Variants in OPCML observed in about 807,000 individuals in gnomAD.
The protein encoded by OPCML is opioid-binding protein/cell adhesion molecule.
A neutral mutation model predicts 37.8 loss-of-function variants in OPCML; 13 were observed. The ratio of observed to expected loss-of-function variants is 0.34; its 90% confidence interval spans 0.22 to 0.55. The LOEUF (loss-of-function observed/expected upper bound fraction) is 0.55. OPCML is among the 20% of genes least tolerant of loss of function. OPCML has a pLI of 0.91. For missense variants in OPCML, 341 were observed against 435.6 expected (o/e 0.78, Z 1.93); for synonymous variants, 176 against 168.8 (o/e 1.04, Z -0.33).
At chr11:133,112,691 A>G (rs528446565) in intron 1 of OPCML, among the ~76,000 whole-genome samples, 1 of 152,282 alleles carries the variant, frequency 6.6e-6, no homozygotes, top group South Asian at 2.1e-4. Context: ...GTCCTGGCCT[A>G]AGGAAGAGAA....
chr11:133,054,609 C>A (rs987382906), intron 1 of OPCML, among the ~76,000 whole-genome samples: 7 of 152,206 alleles, frequency 4.6e-5, no homozygotes, highest in African/African-American at 1.7e-4. Flanking sequence ...GAAACACTTA[C>A]AGGAATTTAA....
intron 1 of OPCML, among the ~76,000 whole-genome samples, chr11:133,529,613 T>G (rs1032107029): frequency 6.6e-6 from 1 of 152,196 alleles, no homozygotes; most frequent in Non-Finnish European, 1.5e-5. Flanking sequence ...TACTCTGGGA[T>G]GGATACATGT....
chr11:132,528,077 T>G (rs1284237934), intron 4 of OPCML, among the ~76,000 whole-genome samples: 2 of 152,160 alleles, frequency 1.3e-5, no homozygotes, highest in Non-Finnish European at 2.9e-5. Flanking sequence ...TCCAGAGAAG[T>G]GAGGAGATAA....
At chr11:132,532,196 G>C (rs2096327448) in intron 3 of OPCML, among the ~76,000 whole-genome samples, 1 of 152,182 alleles carries the variant, frequency 6.6e-6, no homozygotes, top group African/African-American at 2.4e-5. Flanking sequence ...AGAGCTTCCT[G>C]AAGTGGGATC....
At chr11:133,491,335 T>C (rs1565664343) in intron 1 of OPCML, among the ~76,000 whole-genome samples, 1 of 152,124 alleles carries the variant, frequency 6.6e-6, no homozygotes, top group Non-Finnish European at 1.5e-5. Flanking sequence ...AATGTCTCTT[T>C]CCACTCATTT....
intron 1 of OPCML, among the ~76,000 whole-genome samples, chr11:133,490,121 G>A (rs1039895832): frequency 1.3e-5 from 2 of 152,146 alleles, no homozygotes; most frequent in African/African-American, 2.4e-5. Context: ...CTACATATCA[G>A]GGTTTGTTTT....
chr11:133,203,983 G>T (rs2136324484), intron 1 of OPCML, among the ~76,000 whole-genome samples: 1 of 146,362 alleles, frequency 6.8e-6, no homozygotes, highest in South Asian at 2.2e-4. Flanking sequence ...GCATGAACCT[G>T]GGAGGCGGAG....
intron 3 of OPCML, among the ~76,000 whole-genome samples, chr11:132,620,391 T>C (rs777043321): frequency 1.3e-5 from 2 of 152,226 alleles, no homozygotes; most frequent in East Asian, 1.9e-4. Context: ...GCCTAGTTAA[T>C]ATGTTAAGGA....
At chr11:132,637,471 A>G (rs1245256172) in intron 3 of OPCML, among the ~76,000 whole-genome samples, 3 of 152,102 alleles carry the variant, frequency 2.0e-5, no homozygotes, top group East Asian at 1.9e-4. Context: ...CACAGCTTCA[A>G]AATAATTTAG....
intron 1 of OPCML, chr11:133,064,652 TC>T (rs1948409919): frequency 6.6e-6 from 1 of 152,198 alleles, no homozygotes; most frequent in South Asian, 2.1e-4. Context: ...GAATGGGACT[TC>T]CGGGCCGGGC....
At chr11:133,439,446 GT>G (rs1360541200) in intron 1 of OPCML, 10 of 984,622 alleles carry the variant, frequency 1.0e-5, no homozygotes, top group Middle Eastern at 5.2e-4. Context: ...ACTCTTTTTT[GT>G]TTTTTTGTTT....
intron 1 of OPCML, among the ~76,000 whole-genome samples, chr11:133,097,114 T>C (rs556261096): frequency 2.6e-5 from 4 of 152,312 alleles, no homozygotes; most frequent in South Asian, 4.1e-4. Context: ...CTCAAGCTCA[T>C]GTGGAACATT....
At chr11:133,227,190 G>A (rs550193415) in intron 1 of OPCML, among the ~76,000 whole-genome samples, 4 of 152,112 alleles carry the variant, frequency 2.6e-5, no homozygotes, top group Non-Finnish European at 5.9e-5. Flanking sequence ...TCCGAGGATG[G>A]CGCCTGTGCC....
chr11:132,580,223 A>G (rs1007970339), intron 3 of OPCML, among the ~76,000 whole-genome samples: 1 of 152,184 alleles, frequency 6.6e-6, no homozygotes, highest in East Asian at 1.9e-4. Flanking sequence ...CAGGGGGGAA[A>G]CCCAACAACT....
chr11:132,542,020 TCTC>T (rs1451913816), intron 3 of OPCML, among the ~76,000 whole-genome samples: 1 of 152,134 alleles, frequency 6.6e-6, no homozygotes, highest in African/African-American at 2.4e-5. Flanking sequence ...TCCAGCATCT[TCTC>T]ATTCTCTGCT....
At chr11:132,979,744 A>G (rs1456088805) in intron 1 of OPCML, among the ~76,000 whole-genome samples, 1 of 152,256 alleles carries the variant, frequency 6.6e-6, no homozygotes, top group African/African-American at 2.4e-5. Context: ...GGTGGTCTTC[A>G]GAACGTAAGT....
intron 1 of OPCML, among the ~76,000 whole-genome samples, chr11:133,514,337 G>C (rs1948218587): frequency 6.6e-6 from 1 of 152,194 alleles, no homozygotes; most frequent in South Asian, 2.1e-4. Flanking sequence ...TCTGGAATGT[G>C]GGCTTGATTC....
chr11:132,613,903 CTGCTA>C, intron 3 of OPCML, among the ~76,000 whole-genome samples: 1 of 152,008 alleles, frequency 6.6e-6, no homozygotes, highest in Non-Finnish European at 1.5e-5. Context: ...TGGGGATGCA[CTGCTA>C]TATTTGTTGA....
At chr11:132,719,847 G>C (rs1944618547) in intron 2 of OPCML, among the ~76,000 whole-genome samples, 1 of 152,216 alleles carries the variant, frequency 6.6e-6, no homozygotes, top group Non-Finnish European at 1.5e-5. Flanking sequence ...ATGAGCTTGA[G>C]CTCCGAGTGC....
Sources: allele counts gnomAD v4.1 joint callset (sites outside exome capture counted in the v4.1 genomes callset), GRCh38; gene constraint gnomAD v4.1.1; transcripts MANE v1.5; gene names NCBI Gene and HGNC (gene_info 2026-07-23, HGNC 2026-07-21).